SORCS1: variants seen among roughly 807,000 people sequenced by gnomAD.
The protein encoded by SORCS1 is sortilin related VPS10 domain containing receptor 1, also known as VPS10 domain-containing receptor SorCS1.
In SORCS1, 60 loss-of-function variants were observed where a neutral mutation model predicts 146.1. That is an observed-to-expected ratio of 0.41 (90% confidence interval 0.33 to 0.51). The LOEUF (loss-of-function observed/expected upper bound fraction) is 0.51. Ranked by LOEUF, SORCS1 falls within the 20% of genes least tolerant of loss-of-function variation. SORCS1 has a pLI of 0.21. For missense variants in SORCS1, 1,352 were observed against 1,487.6 expected, an observed-to-expected ratio of 0.91 and a Z score of 1.50; for synonymous variants, 637 against 584.0, an observed-to-expected ratio of 1.09 and a Z score of -1.31.
At chr10:107,093,002 A>T (rs565039478) in intron 1 of SORCS1, among the ~76,000 whole-genome samples, 1 of 151,908 alleles carries the variant, frequency 6.6e-6, no homozygotes, top group African/African-American at 2.4e-5. Context: ...TTTATGAGCT[A>T]GGGAGCTTTC....
At chr10:106,758,103 A>C (rs541586099) in intron 5 of SORCS1, among the ~76,000 whole-genome samples, 3 of 152,218 alleles carry the variant, frequency 2.0e-5, no homozygotes, top group Non-Finnish European at 4.4e-5. Context: ...ACATACAATA[A>C]TGTGTAATGG....
rs1232776481 is a variant in SORCS1 at position 106,960,729 on chromosome 10, GC to G, written c.559-4150del. Among the ~76,000 whole-genome samples the G allele has an allele frequency of 6.6e-6, 1 of 152,060 alleles. No individual in the cohort carries two copies. Among genetic ancestry groups the G allele is most frequent in the African/African-American group, 2.4e-5 (1 of 41,408 alleles). ...CCATACTTAGAGAGAGGATGCCAGT[GC>G]CCACTCACCAAGCTGCTGTTCTCAA... On this transcript the variant is annotated intron_variant, in intron 1 of 25. Coordinates refer to ENST00000263054, the MANE Select transcript of SORCS1 (RefSeq NM_052918.5). The surrounding 1 kb of genome is among the most constrained non-coding windows in gnomAD (Gnocchi z 4.4).
At chr10:107,018,033 A>G (rs1224426287) in intron 1 of SORCS1, among the ~76,000 whole-genome samples, 1 of 152,130 alleles carries the variant, frequency 6.6e-6, no homozygotes, top group Admixed American at 6.5e-5. Context: ...TGCCCACCCT[A>G]TACCCAGAGG....
intron 1 of SORCS1, among the ~76,000 whole-genome samples, chr10:107,110,059 T>A (rs1447969115): frequency 6.6e-6 from 1 of 152,210 alleles, no homozygotes; most frequent in Non-Finnish European, 1.5e-5. Flanking sequence ...AATTTCCATC[T>A]GAAACCTCGG....
At chr10:106,821,596 A>G (rs1322642285) in intron 3 of SORCS1, among the ~76,000 whole-genome samples, 1 of 152,226 alleles carries the variant, frequency 6.6e-6, no homozygotes, top group Non-Finnish European at 1.5e-5. Flanking sequence ...AAATATGTTA[A>G]TTAAGCAGGA....
intron 1 of SORCS1, among the ~76,000 whole-genome samples, chr10:107,132,950 G>C (rs1221661604): frequency 6.6e-6 from 1 of 152,138 alleles, no homozygotes; most frequent in Non-Finnish European, 1.5e-5. Flanking sequence ...ACTTTTGGAA[G>C]AGTCAGAGCA....
At chr10:106,698,708 T>C (rs900186750) in intron 9 of SORCS1, among the ~76,000 whole-genome samples, 10 of 152,218 alleles carry the variant, frequency 6.6e-5, no homozygotes, top group African/African-American at 2.4e-4. Context: ...GTTAATCTTA[T>C]CTCATTCTCT....
At chr10:106,853,214 G>T (rs1949657705) in intron 2 of SORCS1, among the ~76,000 whole-genome samples, 1 of 152,116 alleles carries the variant, frequency 6.6e-6, no homozygotes, top group African/African-American at 2.4e-5. Flanking sequence ...TGTCTTTCAA[G>T]AAATTGGTCC....
At chr10:107,088,726 T>C (rs1047501807) in intron 1 of SORCS1, among the ~76,000 whole-genome samples, 1 of 152,192 alleles carries the variant, frequency 6.6e-6, no homozygotes, top group Non-Finnish European at 1.5e-5. Context: ...TGTCTCCTAC[T>C]CATCTGTAAT....
chr10:106,904,648 G>C (rs541428842), intron 2 of SORCS1, among the ~76,000 whole-genome samples: 1 of 152,340 alleles, frequency 6.6e-6, no homozygotes, highest in South Asian at 2.1e-4. Flanking sequence ...ACGTGGCGGA[G>C]TGCAGCTAAA....
chr10:106,973,139 A>G (rs1212195033), intron 1 of SORCS1, among the ~76,000 whole-genome samples: 1 of 152,228 alleles, frequency 6.6e-6, no homozygotes, highest in Non-Finnish European at 1.5e-5. Flanking sequence ...AAGCTTCTCA[A>G]GAATTTACAA....
intron 23 of SORCS1, among the ~76,000 whole-genome samples, chr10:106,605,387 A>C (rs1451607295): frequency 6.6e-6 from 1 of 152,214 alleles, no homozygotes; most frequent in Non-Finnish European, 1.5e-5. Flanking sequence ...AAAACATGGA[A>C]AGTGTGAGAA....
intron 5 of SORCS1, among the ~76,000 whole-genome samples, chr10:106,743,799 T>G (rs1857521964): frequency 6.6e-6 from 1 of 152,138 alleles, no homozygotes. Context: ...GGAGTATGTA[T>G]TCATTGAAAA....
At chr10:107,057,137 T>A (rs1016756871) in intron 1 of SORCS1, among the ~76,000 whole-genome samples, 2 of 152,092 alleles carry the variant, frequency 1.3e-5, no homozygotes, top group East Asian at 3.9e-4. Context: ...CACTAGAGGA[T>A]GAAAGACTAG....
At chr10:106,654,077 G>C (rs1850091003) in intron 17 of SORCS1, among the ~76,000 whole-genome samples, 1 of 152,036 alleles carries the variant, frequency 6.6e-6, no homozygotes, top group African/African-American at 2.4e-5. Context: ...GTGTCCTCCT[G>C]CATGCCCTAG....
At chr10:106,934,885 T>A (rs1367340039) in intron 2 of SORCS1, among the ~76,000 whole-genome samples, 1 of 151,264 alleles carries the variant, frequency 6.6e-6, no homozygotes, top group Non-Finnish European at 1.5e-5. Context: ...GCATACAGAG[T>A]GACATAATGG....
intron 1 of SORCS1, among the ~76,000 whole-genome samples, chr10:106,969,585 A>T: frequency 6.6e-6 from 1 of 152,226 alleles, no homozygotes; most frequent in Middle Eastern, 3.2e-3. Flanking sequence ...CTCTTTAAGA[A>T]AAATAATACA....
intron 5 of SORCS1, among the ~76,000 whole-genome samples, chr10:106,734,313 T>C (rs567511010): frequency 2.6e-5 from 4 of 152,314 alleles, no homozygotes; most frequent in South Asian, 4.2e-4. Context: ...ATAACTCTTA[T>C]TGCTGTGGCT....
chr10:107,151,237 A>C (rs950006281), intron 1 of SORCS1, among the ~76,000 whole-genome samples: 6 of 152,108 alleles, frequency 3.9e-5, no homozygotes, highest in Admixed American at 3.9e-4. Context: ...ACTTCCTATA[A>C]ACTAGTTGAA....
Sources: allele counts gnomAD v4.1 joint callset (sites outside exome capture counted in the v4.1 genomes callset), GRCh38; gene constraint gnomAD v4.1.1; non-coding constraint Gnocchi (gnomAD v3.1); transcripts MANE v1.5; gene names NCBI Gene and HGNC (gene_info 2026-07-23, HGNC 2026-07-21).